Variants in TRPM3 observed in about 807,000 individuals in gnomAD.
TRPM3 encodes long transient receptor potential channel 3.
In TRPM3, 77 loss-of-function variants were observed where a neutral mutation model predicts 181.2. That is an observed-to-expected ratio of 0.42 (90% CI 0.35 to 0.51). TRPM3 has a LOEUF of 0.51. Among genes scored for constraint, TRPM3 ranks in the 20% least tolerant of loss-of-function variants. TRPM3 has a pLI of 0.01. For missense variants in TRPM3, 1,759 were observed against 2,196.7 expected, an observed-to-expected ratio of 0.80 and a Z score of 3.98; for synonymous variants, 745 against 796.4, an observed-to-expected ratio of 0.94 and a Z score of 1.09.
chr9:71,285,736 T>C (rs11142778), intron 1 of TRPM3, among the ~76,000 whole-genome samples: 24,861 of 152,030 alleles, frequency 0.16, 2,346 homozygotes, highest in Non-Finnish European at 0.22. Flanking sequence ...GCTGCACACA[T>C]TTAGCTTGTT....
chr9:70,660,776 C>G (rs1380490873), intron 9 of TRPM3, among the ~76,000 whole-genome samples: 1 of 151,854 alleles, frequency 6.6e-6, no homozygotes, highest in Non-Finnish European at 1.5e-5. Flanking sequence ...TAACAAGCAG[C>G]AAGATTGAAT....
Position 71,279,049 on chromosome 9 carries a change from ATAAAAATAAAAAT to A in TRPM3, c.183+167591_183+167603del, listed in dbSNP as rs1565414255. On this transcript the variant is annotated intron_variant, in intron 1 of 24. Coordinates refer to the TRPM3 transcript ENST00000357533. ...CCTGCTTAGGTTAAAAAAAATAAAA[ATAAAAATAAAAAT>A]AAAAAAACCACCAACGACCATTTAT... 5.3e-5 allele frequency among the ~76,000 whole-genome samples: 7 copies of A among 132,946 alleles called. 1 individual carries two copies. Among genetic ancestry groups the A allele is most frequent in the African/African-American group, 6.0e-5 (2 of 33,092 alleles). The allele number at this position is 132,946 out of a possible 152,430, so 87.2% of individuals were successfully genotyped here.
intron 8 of TRPM3, among the ~76,000 whole-genome samples, chr9:70,699,779 A>G (rs2071798260): frequency 6.6e-6 from 1 of 152,156 alleles, no homozygotes; most frequent in Non-Finnish European, 1.5e-5. Flanking sequence ...GGGAAGCTGC[A>G]CCAGGCTTGA....
At chr9:70,776,701 T>C (rs1370253418) in intron 7 of TRPM3, among the ~76,000 whole-genome samples, 1 of 152,116 alleles carries the variant, frequency 6.6e-6, no homozygotes, top group African/African-American at 2.4e-5. Flanking sequence ...ATGTGGTGAT[T>C]GATGGTAAAT....
chr9:71,250,664 G>A (rs974192860), intron 1 of TRPM3, among the ~76,000 whole-genome samples: 12 of 152,186 alleles, frequency 7.9e-5, no homozygotes, highest in Non-Finnish European at 1.6e-4. Flanking sequence ...GTGAACAAAG[G>A]TCGAGGGAAA....
intron 1 of TRPM3, among the ~76,000 whole-genome samples, chr9:71,037,543 G>A (rs1048155178): frequency 5.9e-5 from 9 of 152,230 alleles, no homozygotes; most frequent in African/African-American, 9.6e-5. Context: ...ATGCGTGTGC[G>A]CATCCTTTGC....
intron 11 of TRPM3, among the ~76,000 whole-genome samples, chr9:70,635,904 C>T (rs1252159905): frequency 6.6e-6 from 1 of 152,088 alleles, no homozygotes; most frequent in Non-Finnish European, 1.5e-5. Flanking sequence ...ATGGAAGAAG[C>T]CAGTTTTGCA....
intron 1 of TRPM3, among the ~76,000 whole-genome samples, chr9:70,899,112 G>A (rs1242290250): frequency 6.6e-6 from 1 of 152,212 alleles, no homozygotes; most frequent in African/African-American, 2.4e-5. Context: ...GGACATGAAA[G>A]CCTGGGAGAT....
At chr9:70,915,399 A>G (rs1202221876) in intron 1 of TRPM3, among the ~76,000 whole-genome samples, 1 of 150,756 alleles carries the variant, frequency 6.6e-6, no homozygotes, top group Non-Finnish European at 1.5e-5. Context: ...CTGGGTTCCC[A>G]CCATTCTCCT....
chr9:71,095,402 T>A (rs1449549416), intron 1 of TRPM3, among the ~76,000 whole-genome samples: 1 of 151,758 alleles, frequency 6.6e-6, no homozygotes, highest in Non-Finnish European at 1.5e-5. Flanking sequence ...CTATTTAAGA[T>A]CTTGCAGTTT....
chr9:70,842,916 G>T, intron 5 of TRPM3, 87 bp downstream of exon 5: 1 of 1,345,956 alleles, frequency 7.4e-7, no homozygotes, highest in Non-Finnish European at 1.0e-6. Flanking sequence ...ATACTATAAT[G>T]TGCACATTTT....
At chr9:71,087,218 T>G (rs538030015) in intron 1 of TRPM3, among the ~76,000 whole-genome samples, 1 of 152,168 alleles carries the variant, frequency 6.6e-6, no homozygotes, top group Admixed American at 6.6e-5. Flanking sequence ...ATCCCATCTA[T>G]GCCCATAGAA....
chr9:70,834,276 C>T (rs2094150865), intron 5 of TRPM3, among the ~76,000 whole-genome samples: 2 of 152,180 alleles, frequency 1.3e-5, no homozygotes, highest in Admixed American at 6.5e-5. Flanking sequence ...AAATGTGTCC[C>T]TTAAGTTGCA....
At position 71,121,414 on chromosome 9, in the gene TRPM3, A is replaced by G; in HGVS notation, c.-60T>C. 1 of 1,573,866 alleles carries G rather than the reference A, an allele frequency of 6.4e-7. No homozygotes were observed. The highest frequency in any genetic ancestry group is 1.2e-5 in the South Asian group (1 of 84,510). Reference sequence around the variant, plus strand: ...GGGCAGAGGCTTCCTGGAACTTGGAAGACTAGTCAAGTAGCCTTGCCTGAG... The same window carrying G: ...GGGCAGAGGCTTCCTGGAACTTGGAGGACTAGTCAAGTAGCCTTGCCTGAG... On this transcript the variant is annotated 5_prime_UTR_variant, in exon 1 of 26. Coordinates refer to ENST00000677713, the MANE Select transcript of TRPM3 (RefSeq NM_001366145.2).
intron 1 of TRPM3, among the ~76,000 whole-genome samples, chr9:71,146,709 G>T (rs1199638614): frequency 6.6e-6 from 1 of 152,108 alleles, no homozygotes; most frequent in African/African-American, 2.4e-5. Flanking sequence ...CTGGTTACAG[G>T]AAATGAGGCA....
At chr9:71,399,932 G>T (rs909120672) in intron 1 of TRPM3, among the ~76,000 whole-genome samples, 1 of 151,986 alleles carries the variant, frequency 6.6e-6, no homozygotes, top group Non-Finnish European at 1.5e-5. Context: ...CCTGGCCTGG[G>T]TGTCAAAAGA....
At chr9:71,040,705 T>C (rs191177461) in intron 1 of TRPM3, among the ~76,000 whole-genome samples, 5 of 152,134 alleles carry the variant, frequency 3.3e-5, no homozygotes, top group Admixed American at 2.0e-4. Flanking sequence ...AAGCATCACC[T>C]CAACTTAGGG....
intron 1 of TRPM3, among the ~76,000 whole-genome samples, chr9:71,394,350 G>A (rs2093139129): frequency 6.6e-6 from 1 of 152,032 alleles, no homozygotes; most frequent in African/African-American, 2.4e-5. Flanking sequence ...AACATAGTTT[G>A]AAAAAAATTC....
chr9:70,828,701 A>ATTT (rs1313239960), intron 5 of TRPM3, among the ~76,000 whole-genome samples: 2 of 116,330 alleles, frequency 1.7e-5, no homozygotes, highest in African/African-American at 2.8e-5. Context: ...GGCCTTCCAG[A>ATTT]TTTTTTTTTT....
Sources: gnomAD v4.1 joint callset for allele counts (sites outside exome capture counted in the v4.1 genomes callset) on GRCh38, gnomAD v4.1.1 for gene constraint, MANE v1.5 for transcripts, NCBI Gene and HGNC (gene_info 2026-07-23, HGNC 2026-07-21) for gene names.